The following AFF2 variants were observed in gnomAD, a reference collection of about 807,000 sequenced individuals.
The protein encoded by AFF2 is ALF transcription elongation factor 2.
AFF2 carries 14 observed loss-of-function variants against 76.9 expected under a neutral mutation model. The ratio of observed to expected loss-of-function variants is 0.18; its 90% CI spans 0.12 to 0.28. AFF2 has a LOEUF of 0.28. Among genes scored for constraint, AFF2 ranks in the 10% least tolerant of loss-of-function variants. The pLI is 1.00. For missense variants in AFF2, 868 were observed against 1,001.1 expected, an observed-to-expected ratio of 0.87 and a Z score of 1.79; for synonymous variants, 398 against 366.7, an observed-to-expected ratio of 1.09 and a Z score of -0.98.
intron 2 of AFF2, 141 bp downstream of exon 2, chrX:148,652,272 T>C: frequency 2.2e-6 from 1 of 447,398 alleles, no homozygotes; most frequent in Non-Finnish European, 3.8e-6. Context: ...ACACTGTATT[T>C]GAGGCAACTG....
rs782176544 is a variant in AFF2, at chrX:148,809,856, T to G, written c.1042-20T>G. Reference sequence around the variant, plus strand: ...GAAGAAGTAGATTGTGCCTAATGTTTTCTGTTTATTTTGTTTCAGGTAAGC... The same window carrying G: ...GAAGAAGTAGATTGTGCCTAATGTTGTCTGTTTATTTTGTTTCAGGTAAGC... On this transcript the variant is annotated intron_variant, in intron 3 of 20. Transcript: ENST00000370460. The G allele has an allele frequency of 1.4e-5, 17 of 1,205,803 alleles. No individual in the cohort carries two copies. Among genetic ancestry groups the G allele is most frequent in the Admixed American group, 2.2e-5 (1 of 45,847 alleles).
At chrX:148,597,817 C>T (rs986526240) in intron 1 of AFF2, among the ~76,000 whole-genome samples, 9 of 112,292 alleles carry the variant, frequency 8.0e-5, no homozygotes, top group Non-Finnish European at 1.5e-4. Context: ...ACCACATATC[C>T]CGCCGGCGCC....
intron 1 of AFF2, among the ~76,000 whole-genome samples, chrX:148,615,515 C>T (rs1006162566): frequency 9.0e-6 from 1 of 111,366 alleles, no homozygotes; most frequent in Non-Finnish European, 1.9e-5. Context: ...CTTTTCTATT[C>T]GTGCCTTTAG....
chrX:148,827,345 T>A (rs1271625249), intron 4 of AFF2, among the ~76,000 whole-genome samples: 1 of 112,183 alleles, frequency 8.9e-6, no homozygotes, highest in Non-Finnish European at 1.9e-5. Flanking sequence ...CTTAACGTGA[T>A]AAGTGTAAAC....
chrX:148,723,484 G>A (rs2055118355), intron 3 of AFF2, among the ~76,000 whole-genome samples: 1 of 110,806 alleles, frequency 9.0e-6, no homozygotes, highest in South Asian at 3.8e-4. Context: ...GAGCACATTA[G>A]GCAGAAGATG....
intron 1 of AFF2, among the ~76,000 whole-genome samples, chrX:148,636,377 T>C (rs782490821): frequency 8.9e-6 from 1 of 112,437 alleles, no homozygotes; most frequent in East Asian, 2.8e-4. Context: ...AATCTGTAAT[T>C]AACAAATGAA....
intron 3 of AFF2, among the ~76,000 whole-genome samples, chrX:148,721,356 C>T (rs1377473674): frequency 8.9e-6 from 1 of 112,170 alleles, no homozygotes; most frequent in Non-Finnish European, 1.9e-5. Flanking sequence ...GAAAGTCCTT[C>T]TCTGGTCCTC....
intron 1 of AFF2, among the ~76,000 whole-genome samples, chrX:148,556,864 T>G (rs1226987691): frequency 1.8e-5 from 2 of 112,306 alleles, no homozygotes; most frequent in Admixed American, 9.5e-5. Context: ...GTTTGAAATT[T>G]CATCTTTGTG....
chrX:148,566,542 C>A lies in AFF2; in HGVS notation c.47+65398C>A, dbSNP rs1426487664. ...TGCAGCAATTCAGTGACAGTTGCAT[C>A]CCCCTTAGGTTCCCCAACTGAAGAC... On this transcript the variant is annotated intron_variant, in intron 1 of 20. Coordinates refer to ENST00000370460, the MANE Select transcript of AFF2 (RefSeq NM_002025.4). 4.5e-5 allele frequency among the ~76,000 whole-genome samples: 5 copies of A among 111,004 alleles called. No individual in the cohort carries two copies. In the South Asian group the frequency reaches 1.9e-3, roughly 42 times the overall value.
At chrX:148,549,098 A>G (rs2052961416) in intron 1 of AFF2, among the ~76,000 whole-genome samples, 1 of 112,173 alleles carries the variant, frequency 8.9e-6, no homozygotes, top group Non-Finnish European at 1.9e-5. Context: ...GTGAAAATGT[A>G]GTTTGCTTCT....
intron 7 of AFF2, among the ~76,000 whole-genome samples, chrX:148,880,980 G>A (rs782331973): frequency 3.6e-5 from 4 of 112,215 alleles, no homozygotes; most frequent in Non-Finnish European, 7.5e-5. Flanking sequence ...TAGGAATGTT[G>A]CAGTTCTCTC....
At chrX:148,548,217 T>G (rs1341210881) in intron 1 of AFF2, among the ~76,000 whole-genome samples, 1 of 111,919 alleles carries the variant, frequency 8.9e-6, no homozygotes, top group Non-Finnish European at 1.9e-5. Flanking sequence ...TACCTACCTA[T>G]GGCCCTTGGA....
At chrX:148,732,499 G>A (rs241105) in intron 3 of AFF2, among the ~76,000 whole-genome samples, 11 of 89,472 alleles carry the variant, frequency 1.2e-4, no homozygotes, top group Non-Finnish European at 1.5e-4. Flanking sequence ...TGGGTGCAGC[G>A]CACCAGCATG....
intron 1 of AFF2, among the ~76,000 whole-genome samples, chrX:148,600,781 G>A (rs2053618849): frequency 8.9e-6 from 1 of 112,104 alleles, no homozygotes. Flanking sequence ...CAAACTCCCT[G>A]TGCCTGCTCC....
At chrX:148,746,947 T>G (rs1173771158) in intron 3 of AFF2, among the ~76,000 whole-genome samples, 3 of 112,510 alleles carry the variant, frequency 2.7e-5, no homozygotes, top group Non-Finnish European at 5.6e-5. Context: ...GTGTAGTCAT[T>G]GACATAGTGG....
chrX:148,864,867 G>A (rs1433872790), intron 7 of AFF2, among the ~76,000 whole-genome samples: 1 of 112,091 alleles, frequency 8.9e-6, no homozygotes, highest in African/African-American at 3.2e-5. Context: ...GAAACGCTGG[G>A]AAAAGTCGAC....
intron 1 of AFF2, among the ~76,000 whole-genome samples, chrX:148,644,366 A>G (rs1473774858): frequency 1.8e-5 from 2 of 111,319 alleles, no homozygotes; most frequent in Middle Eastern, 4.6e-3. Context: ...GTGTTTTTGT[A>G]CCACTGACTA....
rs1557279050 is a variant in AFF2 at position 148,885,970 on chromosome X, C to T, written c.1344C>T (p.Ala448=). The change falls in exon 8 of 21, where the codon GCC becomes GCT. Residue 448 remains alanine, a synonymous_variant. Coordinates refer to ENST00000370460, the MANE Select transcript of AFF2 (RefSeq NM_002025.4). The stretch of plus-strand genomic sequence containing the variant: ...AGACCTTGACCACTCAGTGCACTGC[C>T]ACTGAGCTCTACCAGGTTAGAAGAG... The part of the protein sequence containing the change: ...PVKTLTTQCT[A]TELYQAVEKA... 1.5e-5 allele frequency: 18 copies of T among 1,203,931 alleles called. No homozygotes were observed. The highest frequency in any genetic ancestry group is 1.9e-5 in the Non-Finnish European group (17 of 890,211).
chrX:148,540,481 A>T (rs782133609), intron 1 of AFF2, among the ~76,000 whole-genome samples: 3 of 109,922 alleles, frequency 2.7e-5, no homozygotes, highest in Non-Finnish European at 3.8e-5. Context: ...ATAGGAAAAA[A>T]ATATAATATA....
Sources: gnomAD v4.1 joint callset for allele counts (sites outside exome capture counted in the v4.1 genomes callset) on GRCh38, gnomAD v4.1.1 for gene constraint, MANE v1.5 for transcripts, NCBI Gene and HGNC (gene_info 2026-07-23, HGNC 2026-07-21) for gene names.